Variants in DLGAP5 observed in about 807,000 individuals in gnomAD.
DLGAP5 encodes disks large-associated protein 5.
In DLGAP5, 90 loss-of-function variants were observed where a neutral mutation model predicts 99.6. The ratio of observed to expected loss-of-function variants is 0.90; its 90% CI spans 0.76 to 1.08. The LOEUF (loss-of-function observed/expected upper bound fraction) is 1.08, where lower values mean the gene tolerates loss of function less well. DLGAP5 is among the 50% of genes least tolerant of loss of function. DLGAP5 has a pLI of 0.00. For missense variants in DLGAP5, 1,036 were observed against 983.5 expected, an observed-to-expected ratio of 1.05 and a Z score of -0.71; for synonymous variants, 311 against 321.3, an observed-to-expected ratio of 0.97 and a Z score of 0.34.
rs1251646757 is a variant in DLGAP5, at chr14:55,182,293, C to T, written c.495+77G>A. On this transcript the variant is annotated intron_variant, in intron 4 of 18. Transcript: ENST00000247191. The stretch of plus-strand genomic sequence containing the variant: ...TTAATCATTATGTTTGAATCTGATA[C>T]TAGATTTAAAATGAATTTACTTACT... 7 of 1,221,162 alleles carry T rather than the reference C, an allele frequency of 5.7e-6. 1 individual carries two copies. Among genetic ancestry groups the T allele is most frequent in the Non-Finnish European group, 8.2e-6 (7 of 851,078 alleles). The allele number at this position is 1,221,162 out of a possible 1,614,324, so 75.6% of individuals were successfully genotyped here.
chr14:55,177,222 T>C lies in DLGAP5; in HGVS notation c.889A>G (p.Asn297Asp). The change falls in exon 8 of 19, where the codon AAT becomes GAT. Residue 297 changes from asparagine (N) to aspartate (D), a missense_variant. Coordinates refer to ENST00000247191, the MANE Select transcript of DLGAP5 (RefSeq NM_014750.5). ...TTCTTCCCTTTTATTTTTGCAGTAT[T>C]TATCTCAGGTAAGTTTTCCATTTTT... ...LSKMENLPEI[N>D]TAKIKGKNSF... The C allele has an allele frequency of 6.2e-7, 1 of 1,613,656 alleles. No homozygotes were observed. The highest frequency in any genetic ancestry group is 8.5e-7 in the Non-Finnish European group (1 of 1,179,860).
At chr14:55,168,921 A>G (rs561107035) in intron 12 of DLGAP5, among the ~76,000 whole-genome samples, 1 of 152,240 alleles carries the variant, frequency 6.6e-6, no homozygotes, top group Admixed American at 6.5e-5. Flanking sequence ...TCATGCCTGT[A>G]ATCCTAGCAC....
Position 55,177,383 on chromosome 14 carries a change from G to A in DLGAP5, c.775-47C>T, listed in dbSNP as rs1183232529. ...TAGAGTAAGATTTCTCTCTTCTGAG[G>A]ATATATTCAACCAATTTTTATAGGT... is the stretch of plus-strand genomic sequence containing the variant. On this transcript the variant is annotated intron_variant, in intron 7 of 18. Coordinates refer to ENST00000247191, the MANE Select transcript of DLGAP5 (RefSeq NM_014750.5). 3.3e-6 allele frequency: 5 copies of A among 1,509,518 alleles called. No homozygotes were observed. The African/African-American group carries it at 7.0e-5, about 21-fold the overall frequency. The allele number at this position is 1,509,518 out of a possible 1,614,324, so 93.5% of individuals were successfully genotyped here. A position where few individuals can be genotyped will look rare whatever the true frequency, so the allele number is the denominator to read the frequency against.
In DLGAP5 at chr14:55,154,623, TC is replaced by T. The variant is rs1882139074; in HGVS notation, c.2056del (p.Glu686LysfsTer6). 1.2e-6 allele frequency: 2 copies of T among 1,613,568 alleles called. No individual in the cohort carries two copies. The highest frequency in any genetic ancestry group is 1.7e-6 in the Non-Finnish European group (2 of 1,179,526). ...VKKTLFLSIP[E>X]SRSSIEDAQC... Reference sequence around the variant, plus strand: ...TAACATGTTAAAGAAATACCTGCTTTCAGGAATACTCAAAAACAAAGTCTTC... The same window carrying T: ...TAACATGTTAAAGAAATACCTGCTTTAGGAATACTCAAAAACAAAGTCTTC... On this transcript the variant is annotated frameshift_variant, in exon 15 of 19. Coordinates refer to ENST00000247191, the MANE Select transcript of DLGAP5 (RefSeq NM_014750.5). LOFTEE classifies it high-confidence loss of function.
chr14:55,188,546 T>C (rs1566510544), intron 2 of DLGAP5, among the ~76,000 whole-genome samples: 2 of 152,108 alleles, frequency 1.3e-5, no homozygotes, highest in Admixed American at 6.6e-5. Context: ...TGAAGCAATA[T>C]AGATAATAAA....
intron 12 of DLGAP5, among the ~76,000 whole-genome samples, chr14:55,164,436 G>T (rs1882561453): frequency 6.6e-6 from 1 of 152,130 alleles, no homozygotes; most frequent in Admixed American, 6.5e-5. Context: ...GGGAAAATTG[G>T]TTATCCATAA....
chr14:55,187,639 T>C (rs1883477139), intron 2 of DLGAP5, among the ~76,000 whole-genome samples: 1 of 151,940 alleles, frequency 6.6e-6, no homozygotes, highest in Admixed American at 6.6e-5. Context: ...TTTTTTTTTT[T>C]TTAGGAGACA....
At chr14:55,159,671 T>C (rs773917676) in intron 13 of DLGAP5, among the ~76,000 whole-genome samples, 4 of 152,172 alleles carry the variant, frequency 2.6e-5, no homozygotes, top group Non-Finnish European at 5.9e-5. Flanking sequence ...TTGGGATATA[T>C]TGATTTTTAA....
chr14:55,148,583 G>A (rs747878063), intron 18 of DLGAP5, 110 bp from the exon 19 acceptor site: 19 of 1,564,894 alleles, frequency 1.2e-5, no homozygotes, highest in Non-Finnish European at 1.6e-5. Flanking sequence ...ACCGGGTGCG[G>A]TGGTGCACAC....
chr14:55,186,225 C>T lies in DLGAP5; in HGVS notation c.239-2472G>A, dbSNP rs185281891. Among the ~76,000 whole-genome samples, 444 of 152,252 alleles carry T rather than the reference C, an allele frequency of 2.9e-3. 2 individuals carry two copies. The highest frequency in any genetic ancestry group is 0.02 in the South Asian group (95 of 4,822). ...GGCAGAGGTTGCGGTGAGCCGAGAT[C>T]GTGCCATTGCACTCCAGCCTGGGCA... On this transcript the variant is annotated intron_variant, in intron 2 of 18. Transcript: ENST00000247191.
intron 4 of DLGAP5, among the ~76,000 whole-genome samples, chr14:55,181,922 A>C (rs1346233426): frequency 1.3e-5 from 2 of 152,242 alleles, no homozygotes; most frequent in Non-Finnish European, 2.9e-5. Context: ...GCAATGCAAA[A>C]TATATATGCA....
At chr14:55,181,931 C>T (rs980901532) in intron 4 of DLGAP5, among the ~76,000 whole-genome samples, 18 of 152,190 alleles carry the variant, frequency 1.2e-4, no homozygotes, top group African/African-American at 4.3e-4. Flanking sequence ...AATATATATG[C>T]ATACGTGGAA....
chr14:55,161,952 T>C (rs1373479711), intron 13 of DLGAP5, among the ~76,000 whole-genome samples: 2 of 151,262 alleles, frequency 1.3e-5, no homozygotes, highest in Admixed American at 1.3e-4. Flanking sequence ...AGTTAAACTC[T>C]TAAGATAGGA....
chr14:55,182,400 T>C lies in DLGAP5; in HGVS notation c.465A>G (p.Ser155=), dbSNP rs1406997949. ...TCTGCTCCATTTGGTCTTTGGCCTT[T>C]GACCTTGTAATCCGTACAGAAGATG... ...AIPSSVRITR[S]KAKDQMEQTK... is the part of the protein sequence containing the mutation. Residue 155 remains serine (S), a synonymous_variant, in exon 4 of 19, where the codon TCA becomes TCG. Transcript: ENST00000247191. 2.5e-5 allele frequency: 41 copies of C among 1,612,896 alleles called. No homozygotes were observed. The highest frequency in any genetic ancestry group is 3.3e-5 in the Non-Finnish European group (39 of 1,179,314).
chr14:55,182,455 G>A lies in DLGAP5; in HGVS notation c.433-23C>T, dbSNP rs181011793. 3.8e-6 allele frequency: 6 copies of A among 1,587,134 alleles called. No homozygotes were observed. In the East Asian group the frequency reaches 1.1e-4, roughly 30 times the overall value. ...AGCCTTAGAACAGTCAAAAGAAGATGAACTTAAAATATGAACTGGTAAAGG... is the reference window on the plus strand; with the variant it reads ...AGCCTTAGAACAGTCAAAAGAAGATAAACTTAAAATATGAACTGGTAAAGG... On this transcript the variant is annotated intron_variant, in intron 3 of 18. Transcript: ENST00000247191.
At chr14:55,165,354 T>A (rs1882600216) in intron 12 of DLGAP5, among the ~76,000 whole-genome samples, 1 of 151,858 alleles carries the variant, frequency 6.6e-6, no homozygotes, top group Admixed American at 6.6e-5. Context: ...ACACCCCACC[T>A]CTACAAAAAA....
rs780034841 is a variant in DLGAP5 at position 55,176,029 on chromosome 14, T to TA, written c.1050-12dup. The TA allele has an allele frequency of 6.3e-7, 1 of 1,595,896 alleles. No homozygotes were observed. The highest frequency in any genetic ancestry group is 1.3e-5 in the African/African-American group (1 of 74,344). Reference sequence around the variant, plus strand: ...GCTTGAGACTCATCACTAAAAACAATAGCAAAAATATACTTCATGAAACAT... The same window carrying TA: ...GCTTGAGACTCATCACTAAAAACAATAAGCAAAAATATACTTCATGAAACAT... On this transcript the variant is annotated splice_polypyrimidine_tract_variant and intron_variant, in intron 8 of 18. Coordinates refer to ENST00000247191, the MANE Select transcript of DLGAP5 (RefSeq NM_014750.5).
intron 13 of DLGAP5, 75 bp from the exon 14 acceptor site, chr14:55,158,816 A>T: frequency 9.8e-7 from 1 of 1,025,416 alleles, no homozygotes; most frequent in Non-Finnish European, 1.5e-6. Context: ...ACACAAATTC[A>T]TCACTTAAAA....
intron 13 of DLGAP5, among the ~76,000 whole-genome samples, chr14:55,162,335 T>C (rs959661338): frequency 6.6e-6 from 1 of 152,098 alleles, no homozygotes; most frequent in Admixed American, 6.6e-5. Context: ...AATAAAACCT[T>C]TAGGCCGGGC....
Sources: allele counts gnomAD v4.1 joint callset (sites outside exome capture counted in the v4.1 genomes callset), GRCh38; gene constraint gnomAD v4.1.1; transcripts MANE v1.5; gene names NCBI Gene and HGNC (gene_info 2026-07-23, HGNC 2026-07-21).